The following LHFPL6 variants were observed in gnomAD, a reference collection of about 807,000 sequenced individuals.
LHFPL6 encodes the protein LHFPL tetraspan subfamily member 6 protein.
A neutral mutation model predicts 20.6 loss-of-function variants in LHFPL6; 9 were observed. That is an observed-to-expected ratio of 0.44 (90% CI 0.26 to 0.76). The LOEUF is 0.76. Among genes scored for constraint, LHFPL6 ranks in the 30% least tolerant of loss-of-function variants. The probability of loss-of-function intolerance (pLI) is 0.20; values close to 1 mark genes in which losing one functional copy is unlikely to be tolerated. For synonymous variants in LHFPL6, 105 were observed against 98.7 expected (o/e 1.06, Z -0.38); for missense variants, 218 against 253.5 (o/e 0.86, Z 0.95).
At chr13:39,356,831 GA>G (rs976972860) in intron 3 of LHFPL6, among the ~76,000 whole-genome samples, 4 of 152,166 alleles carry the variant, frequency 2.6e-5, no homozygotes, top group African/African-American at 9.7e-5. Context: ...ATTGAACCCT[GA>G]ACAGACCAAT....
At chr13:39,397,012 G>A (rs377389983) in intron 2 of LHFPL6, among the ~76,000 whole-genome samples, 1 of 152,174 alleles carries the variant, frequency 6.6e-6, no homozygotes, top group African/African-American at 2.4e-5. Context: ...TCAGAACTGA[G>A]AGAGAATAGA....
At chr13:39,573,081 ATGCCG>A in intron 2 of LHFPL6, among the ~76,000 whole-genome samples, 1 of 152,220 alleles carries the variant, frequency 6.6e-6, no homozygotes, top group Non-Finnish European at 1.5e-5. Flanking sequence ...AACCTAGCCA[ATGCCG>A]TAACTTCTAT....
At chr13:39,442,382 T>C (rs145959814) in intron 2 of LHFPL6, among the ~76,000 whole-genome samples, 1 of 152,332 alleles carries the variant, frequency 6.6e-6, no homozygotes, top group Non-Finnish European at 1.5e-5. Context: ...AAAATATGTT[T>C]AATACTTACA....
rs1872942449 is a variant in LHFPL6, at chr13:39,601,394, G to T, written c.-174-4C>A. 8 of 523,308 alleles carry T rather than the reference G, an allele frequency of 1.5e-5. No homozygotes were observed. The highest frequency in any genetic ancestry group is 3.3e-6 in the Non-Finnish European group (1 of 307,214). The allele number at this position is 523,308 out of a possible 1,614,324, so 32.4% of individuals were successfully genotyped here. A position where few individuals can be genotyped will look rare whatever the true frequency, so the allele number is the denominator to read the frequency against. ...TCTGCACTAAAGATGATGGTCCCTG[G>T]TAAAACAACAGGAAACATTAAAAAT... On this transcript the variant is annotated splice_polypyrimidine_tract_variant and splice_region_variant and intron_variant, in intron 1 of 3. Coordinates refer to ENST00000379589, the MANE Select transcript of LHFPL6 (RefSeq NM_005780.3).
intron 2 of LHFPL6, among the ~76,000 whole-genome samples, chr13:39,496,743 C>T (rs528899720): frequency 3.8e-4 from 58 of 152,286 alleles, no homozygotes; most frequent in African/African-American, 1.4e-3. Context: ...AGGCTAATTA[C>T]ATCTCATTTT....
chr13:39,510,807 TAC>T (rs1869670312), intron 2 of LHFPL6, among the ~76,000 whole-genome samples: 1 of 152,082 alleles, frequency 6.6e-6, no homozygotes. Context: ...AGAGGAAAAC[TAC>T]AGTTTGAAAT....
intron 2 of LHFPL6, among the ~76,000 whole-genome samples, chr13:39,390,359 G>A (rs376831079): frequency 7.9e-5 from 12 of 152,092 alleles, no homozygotes; most frequent in Middle Eastern, 3.4e-3. Context: ...TTAGCCACGC[G>A]TGGTGGTACA....
At chr13:39,474,510 G>A (rs114699133) in intron 2 of LHFPL6, among the ~76,000 whole-genome samples, 1,979 of 152,082 alleles carry the variant, frequency 0.013, 39 homozygotes, top group African/African-American at 0.046. Context: ...GTTTAAACAG[G>A]ATCTCTTTTT....
chr13:39,396,752 T>C (rs778616950), intron 2 of LHFPL6, among the ~76,000 whole-genome samples: 1 of 152,122 alleles, frequency 6.6e-6, no homozygotes, highest in Non-Finnish European at 1.5e-5. Flanking sequence ...ACTGTGATCA[T>C]GCCACTGCAC....
intron 3 of LHFPL6, among the ~76,000 whole-genome samples, chr13:39,363,734 T>C (rs1869938827): frequency 6.6e-6 from 1 of 152,124 alleles, no homozygotes; most frequent in African/African-American, 2.4e-5. Flanking sequence ...TGATGCTGGG[T>C]TACTCTAATC....
intron 2 of LHFPL6, among the ~76,000 whole-genome samples, chr13:39,448,771 T>G (rs1357402650): frequency 1.3e-5 from 2 of 152,246 alleles, no homozygotes; most frequent in African/African-American, 4.8e-5. Flanking sequence ...TGGAAATATT[T>G]AAAATGCCTG....
At chr13:39,523,099 C>T (rs945656363) in intron 2 of LHFPL6, among the ~76,000 whole-genome samples, 2 of 152,210 alleles carry the variant, frequency 1.3e-5, no homozygotes, top group Non-Finnish European at 2.9e-5. Context: ...ATTTACATAA[C>T]CACTTTGGGC....
In LHFPL6 at chr13:39,443,804, C is replaced by T. The variant is rs570103051; in HGVS notation, c.386-65278G>A. Among the ~76,000 whole-genome samples the T allele has an allele frequency of 4.2e-4, 63 of 151,468 alleles. 1 individual carries two copies. In the South Asian group the frequency reaches 0.013, roughly 32 times the overall value. On this transcript the variant is annotated intron_variant, in intron 2 of 3. Transcript: ENST00000379589. ...AACAGTTCTTTCAGTACCCATACAACCATCCTGTTTTTCACTTTCAATATA... is the reference window on the plus strand; with the variant it reads ...AACAGTTCTTTCAGTACCCATACAATCATCCTGTTTTTCACTTTCAATATA...
intron 2 of LHFPL6, among the ~76,000 whole-genome samples, chr13:39,538,220 C>T (rs900579310): frequency 6.6e-6 from 1 of 151,556 alleles, no homozygotes; most frequent in Non-Finnish European, 1.5e-5. Flanking sequence ...GAACTCCTGA[C>T]CTCAGGTGAT....
intron 2 of LHFPL6, among the ~76,000 whole-genome samples, chr13:39,500,516 A>G (rs1869256342): frequency 6.6e-6 from 1 of 152,006 alleles, no homozygotes; most frequent in Non-Finnish European, 1.5e-5. Flanking sequence ...CAGACTCCCA[A>G]AGTTCTGGCA....
chr13:39,440,654 G>T (rs1402180421), intron 2 of LHFPL6, among the ~76,000 whole-genome samples: 1 of 152,120 alleles, frequency 6.6e-6, no homozygotes, highest in African/African-American at 2.4e-5. Flanking sequence ...AGGCTGAAGA[G>T]CAGTGGTGCA....
intron 2 of LHFPL6, among the ~76,000 whole-genome samples, chr13:39,393,254 G>A (rs1870757025): frequency 6.6e-6 from 1 of 152,114 alleles, no homozygotes; most frequent in African/African-American, 2.4e-5. Flanking sequence ...TGAGCTGGTG[G>A]GCTTTGACTC....
At chr13:39,457,508 A>G (rs1872598432) in intron 2 of LHFPL6, among the ~76,000 whole-genome samples, 1 of 152,232 alleles carries the variant, frequency 6.6e-6, no homozygotes, top group Admixed American at 6.5e-5. Flanking sequence ...GAGCAAGTAG[A>G]TCTCTCATAC....
At chr13:39,352,865 G>GTATATATATATAAATGTATATATATGTT (rs1869608532) in intron 3 of LHFPL6, among the ~76,000 whole-genome samples, 1 of 36,440 alleles carries the variant, frequency 2.7e-5, no homozygotes, top group East Asian at 1.2e-3. Flanking sequence ...ATATATATGT[G>GTATATATATATAAATGTATATATATGTT]TATATATATA....
Sources: allele counts gnomAD v4.1 joint callset (sites outside exome capture counted in the v4.1 genomes callset), GRCh38; gene constraint gnomAD v4.1.1; transcripts MANE v1.5; gene names NCBI Gene and HGNC (gene_info 2026-07-23, HGNC 2026-07-21).